Variants in PRKN observed in about 807,000 individuals in gnomAD.
PRKN encodes the protein E3 ubiquitin-protein ligase parkin.
Under a neutral mutation model 59.5 loss-of-function variants are expected in PRKN, and 56 were observed. The ratio of observed to expected loss-of-function variants is 0.94; its 90% CI spans 0.76 to 1.18. The LOEUF (loss-of-function observed/expected upper bound fraction) is 1.18, where lower values mean the gene tolerates loss of function less well. PRKN is among the 50% of genes most tolerant of loss of function. The pLI is 0.00. For synonymous variants in PRKN, 250 were observed against 222.1 expected, an observed-to-expected ratio of 1.13 and a Z score of -1.12; for missense variants, 657 against 596.4, an observed-to-expected ratio of 1.10 and a Z score of -1.06.
At position 161,475,102 on chromosome 6, in the gene PRKN, G is replaced by A. The variant is rs539953683; in HGVS notation, c.1083+73752C>T. Among the ~76,000 whole-genome samples, 3 of 152,194 alleles carry A rather than the reference G, an allele frequency of 2.0e-5. No individual in the cohort carries two copies. The highest frequency in any genetic ancestry group is 7.2e-5 in the African/African-American group (3 of 41,538). On this transcript the variant is annotated intron_variant, in intron 9 of 11. Transcript: ENST00000366898. The surrounding 1 kb of genome is among the most constrained non-coding windows in gnomAD (Gnocchi z 5.3). ...AGTAGAGACAGGGTTTCACCATGTT[G>A]GCCAGGATGGTCTCGATCTCTTGAC... is the stretch of plus-strand genomic sequence containing the variant.
At chr6:161,900,127 A>C (rs1054401486) in intron 6 of PRKN, among the ~76,000 whole-genome samples, 1 of 151,926 alleles carries the variant, frequency 6.6e-6, no homozygotes, top group Admixed American at 6.6e-5. Context: ...AATAAAATAA[A>C]ATAAAATAAA....
intron 1 of PRKN, among the ~76,000 whole-genome samples, chr6:162,481,304 C>G (rs1198767174): frequency 2.0e-5 from 3 of 152,156 alleles, no homozygotes; most frequent in Non-Finnish European, 4.4e-5. Flanking sequence ...CTGCAGAATC[C>G]TCATGTCCAT....
chr6:161,388,965 T>C lies in PRKN; in HGVS notation c.1084-2088A>G, dbSNP rs2114949786. On this transcript the variant is annotated intron_variant, in intron 9 of 11. Coordinates refer to ENST00000366898, the MANE Select transcript of PRKN (RefSeq NM_004562.3). The surrounding 1 kb of genome is among the most constrained non-coding windows in gnomAD (Gnocchi z 4.3). ...TAACTGATACAGTAATAAATAAGAA[T>C]ATAATATGCTGAAAGTAGTGTCTGG... Among the ~76,000 whole-genome samples the C allele has an allele frequency of 6.6e-6, 1 of 152,316 alleles. No individual in the cohort carries two copies. Among genetic ancestry groups the C allele is most frequent in the South Asian group, 2.1e-4 (1 of 4,822 alleles).
chr6:162,062,850 C>G (rs1031539471), intron 4 of PRKN, among the ~76,000 whole-genome samples: 1 of 152,026 alleles, frequency 6.6e-6, no homozygotes, highest in Non-Finnish European at 1.5e-5. Context: ...TGTCAGAACT[C>G]CTCAAATTGT....
chr6:162,288,652 C>A (rs891275556), intron 2 of PRKN, among the ~76,000 whole-genome samples: 6 of 152,096 alleles, frequency 3.9e-5, no homozygotes, highest in Admixed American at 2.0e-4. Context: ...TCACCGAGGC[C>A]CCCACCAACC....
rs573247219 is a variant in PRKN, at chr6:162,463,214, G to C, written c.8-19741C>G. Reference sequence around the variant, plus strand: ...AGTTTCCTCTGTTATTAAATGATGAGAATGTTCCTAACCTATTGCAAATGA... The same window carrying C: ...AGTTTCCTCTGTTATTAAATGATGACAATGTTCCTAACCTATTGCAAATGA... On this transcript the variant is annotated intron_variant, in intron 1 of 11. Coordinates refer to ENST00000366898, the MANE Select transcript of PRKN (RefSeq NM_004562.3). Among the ~76,000 whole-genome samples, 7 of 152,218 alleles carry C rather than the reference G, an allele frequency of 4.6e-5. No individual in the cohort carries two copies. The South Asian group carries it at 1.5e-3, about 32-fold the overall frequency.
At chr6:162,290,831 T>C (rs1781397374) in intron 2 of PRKN, among the ~76,000 whole-genome samples, 1 of 152,178 alleles carries the variant, frequency 6.6e-6, no homozygotes, top group Non-Finnish European at 1.5e-5. Flanking sequence ...GCAAGTTTCT[T>C]GGCAAAGACA....
intron 7 of PRKN, among the ~76,000 whole-genome samples, chr6:161,653,546 G>A (rs1053031776): frequency 7.2e-5 from 11 of 152,086 alleles, no homozygotes; most frequent in East Asian, 1.9e-4. Context: ...ATCCGGGTGC[G>A]TGCCATGAAT....
At chr6:161,830,275 G>A (rs1792433464) in intron 6 of PRKN, among the ~76,000 whole-genome samples, 2 of 147,442 alleles carry the variant, frequency 1.4e-5, no homozygotes, top group Non-Finnish European at 3.0e-5. Context: ...TTTTTGAGAT[G>A]GAGTCTCGCT....
intron 1 of PRKN, among the ~76,000 whole-genome samples, chr6:162,480,651 G>A (rs12526423): frequency 0.15 from 22,439 of 151,840 alleles, 1,854 homozygotes; most frequent in Non-Finnish European, 0.17. Flanking sequence ...AACAGCCTAG[G>A]ACACTGCCCA....
chr6:162,601,353 TTTTG>T (rs1583884839), intron 1 of PRKN, among the ~76,000 whole-genome samples: 2 of 124,486 alleles, frequency 1.6e-5, no homozygotes, highest in African/African-American at 5.2e-5. Flanking sequence ...GGTAAATGGG[TTTTG>T]TTTTAGAAAT....
In PRKN at chr6:161,533,901, G is replaced by C. The variant is rs903983093; in HGVS notation, c.1083+14953C>G. ...AGTAGGAAGAGAAAAGATAAACAGC[G>C]ATTCCTGTTTTATAAGGTAGGAAGG... is the stretch of plus-strand genomic sequence containing the variant. On this transcript the variant is annotated intron_variant, in intron 9 of 11. Transcript: ENST00000366898. The surrounding 1 kb of genome is among the most constrained non-coding windows in gnomAD (Gnocchi z 4.1). Among the ~76,000 whole-genome samples, 2 of 152,064 alleles carry C rather than the reference G, an allele frequency of 1.3e-5. No homozygotes were observed. The highest frequency in any genetic ancestry group is 2.1e-4 in the South Asian group (1 of 4,816).
At chr6:162,248,367 T>C (rs1410554646) in intron 3 of PRKN, among the ~76,000 whole-genome samples, 1 of 152,214 alleles carries the variant, frequency 6.6e-6, no homozygotes, top group Non-Finnish European at 1.5e-5. Context: ...TTTACACTCG[T>C]CATTCTGATA....
Position 162,354,662 on chromosome 6 carries a change from A to G in PRKN, c.171+88648T>C, listed in dbSNP as rs557128743. 3.3e-5 allele frequency among the ~76,000 whole-genome samples: 5 copies of G among 152,176 alleles called. No homozygotes were observed. In the East Asian group the frequency reaches 9.6e-4, roughly 29 times the overall value. ...TGAAGCAATAAAGCATACATTTATT[A>G]CATAATTTAACAGATATATATATTT... is the stretch of plus-strand genomic sequence containing the variant. On this transcript the variant is annotated intron_variant, in intron 2 of 11. Coordinates refer to ENST00000366898, the MANE Select transcript of PRKN (RefSeq NM_004562.3).
chr6:162,135,323 C>G (rs1467235804), intron 4 of PRKN, among the ~76,000 whole-genome samples: 3 of 152,044 alleles, frequency 2.0e-5, no homozygotes, highest in Admixed American at 2.0e-4. Flanking sequence ...ATTAAAGGCA[C>G]AGAAAACATT....
At chr6:162,118,192 A>C (rs1263420966) in intron 4 of PRKN, among the ~76,000 whole-genome samples, 3 of 152,054 alleles carry the variant, frequency 2.0e-5, no homozygotes, top group African/African-American at 7.2e-5. Flanking sequence ...CGGGTGGATC[A>C]TGAGGTCAGG....
At chr6:161,679,508 A>G (rs1477538060) in intron 7 of PRKN, among the ~76,000 whole-genome samples, 1 of 150,378 alleles carries the variant, frequency 6.6e-6, no homozygotes, top group African/African-American at 2.4e-5. Context: ...ACAGCCTCGG[A>G]AGGTACTTCC....
At chr6:162,250,282 G>GTT (rs1187632757) in intron 3 of PRKN, among the ~76,000 whole-genome samples, 1 of 152,162 alleles carries the variant, frequency 6.6e-6, no homozygotes, top group East Asian at 1.9e-4. Context: ...CGTTGAGCTT[G>GTT]TTTTCCTATT....
At chr6:162,505,769 G>C (rs1042250129) in intron 1 of PRKN, among the ~76,000 whole-genome samples, 2 of 149,510 alleles carry the variant, frequency 1.3e-5, no homozygotes, top group African/African-American at 4.9e-5. Flanking sequence ...TTGACAAAAT[G>C]ATATGAAGCA....
Sources: allele counts gnomAD v4.1 joint callset (sites outside exome capture counted in the v4.1 genomes callset), GRCh38; gene constraint gnomAD v4.1.1; non-coding constraint Gnocchi (gnomAD v3.1); transcripts MANE v1.5; gene names NCBI Gene and HGNC (gene_info 2026-07-23, HGNC 2026-07-21).